Variants in BNC2 observed in about 807,000 individuals in gnomAD.
BNC2 encodes basonuclin zinc finger protein 2, also known as zinc finger protein basonuclin-2.
BNC2 carries 20 observed loss-of-function variants against 76.3 expected under a neutral mutation model. The ratio of observed to expected loss-of-function variants is 0.26; its 90% CI spans 0.18 to 0.38. The LOEUF (loss-of-function observed/expected upper bound fraction) is 0.38, where lower values mean the gene tolerates loss of function less well. Among genes scored for constraint, BNC2 ranks in the 10% least tolerant of loss-of-function variants. The pLI is 1.00. For synonymous variants in BNC2, 582 were observed against 514.8 expected (o/e 1.13, Z -1.77); for missense variants, 1,382 against 1,399.8 (o/e 0.99, Z 0.20).
intron 5 of BNC2, among the ~76,000 whole-genome samples, chr9:16,442,382 T>A (rs1821145715): frequency 6.6e-6 from 1 of 152,234 alleles, no homozygotes; most frequent in African/African-American, 2.4e-5. Context: ...CTTGTAGAAA[T>A]CTGGCACCCT....
intron 5 of BNC2, among the ~76,000 whole-genome samples, chr9:16,512,199 G>T (rs1040218013): frequency 6.6e-6 from 1 of 152,102 alleles, no homozygotes; most frequent in Non-Finnish European, 1.5e-5. Flanking sequence ...CCTTAAAAGG[G>T]TGTTTGATCA....
At chr9:16,548,374 G>A (rs1049165559) in intron 5 of BNC2, among the ~76,000 whole-genome samples, 6 of 151,768 alleles carry the variant, frequency 4.0e-5, no homozygotes, top group African/African-American at 1.5e-4. Context: ...ATACAGACCT[G>A]AACTAAGAAT....
chr9:16,482,131 CAAT>C (rs1822070154), intron 5 of BNC2, among the ~76,000 whole-genome samples: 2 of 152,066 alleles, frequency 1.3e-5, no homozygotes, highest in Non-Finnish European at 2.9e-5. Context: ...CAATATATGT[CAAT>C]AATAACTAAT....
At chr9:16,610,551 G>A (rs1820516244) in intron 3 of BNC2, among the ~76,000 whole-genome samples, 1 of 152,224 alleles carries the variant, frequency 6.6e-6, no homozygotes. Context: ...CTGATCAGTT[G>A]GCCCAACAGA....
intron 1 of BNC2, among the ~76,000 whole-genome samples, chr9:16,823,982 T>C (rs1479472825): frequency 6.6e-6 from 1 of 152,234 alleles, no homozygotes; most frequent in Non-Finnish European, 1.5e-5. Flanking sequence ...TAGAATGGAT[T>C]AATGAATACA....
chr9:16,474,867 T>G (rs1041500755), intron 5 of BNC2, among the ~76,000 whole-genome samples: 1 of 152,044 alleles, frequency 6.6e-6, no homozygotes, highest in African/African-American at 2.4e-5. Flanking sequence ...CACCACATGG[T>G]GGGCTCATCT....
rs116566620 is a variant in BNC2, at chr9:16,809,049, A to G, written c.3+61597T>C. ...TCACAGACTTGGAACCAGGCACAACACTGGTTCCCAGGCAACTTCTTAGAT... is the reference window on the plus strand; with the variant it reads ...TCACAGACTTGGAACCAGGCACAACGCTGGTTCCCAGGCAACTTCTTAGAT... On this transcript the variant is annotated intron_variant, in intron 1 of 6. Transcript: ENST00000380672. Among the ~76,000 whole-genome samples, 200 of 152,222 alleles carry G rather than the reference A, an allele frequency of 1.3e-3. 2 individuals are homozygous for G. The highest frequency in any genetic ancestry group is 4.6e-3 in the African/African-American group (190 of 41,552).
At chr9:16,504,861 A>G (rs78115726) in intron 5 of BNC2, among the ~76,000 whole-genome samples, 1 of 152,158 alleles carries the variant, frequency 6.6e-6, no homozygotes, top group Admixed American at 6.5e-5. Flanking sequence ...TCATCTCTTA[A>G]AAAACAAAAA....
chr9:16,485,101 GACAC>G (rs901270450), intron 5 of BNC2, among the ~76,000 whole-genome samples: 2 of 107,876 alleles, frequency 1.9e-5, no homozygotes, highest in African/African-American at 1.3e-4. Context: ...CACACACAGA[GACAC>G]ACACAGACAC....
chr9:16,463,124 G>A (rs1386236915), intron 5 of BNC2, among the ~76,000 whole-genome samples: 1 of 152,038 alleles, frequency 6.6e-6, no homozygotes, highest in Non-Finnish European at 1.5e-5. Context: ...AGAGTGTACT[G>A]ACTGTGTGTG....
intron 1 of BNC2, among the ~76,000 whole-genome samples, chr9:16,822,959 C>T (rs1481857128): frequency 1.3e-5 from 2 of 152,116 alleles, no homozygotes; most frequent in Non-Finnish European, 2.9e-5. Context: ...CTTCAAATTA[C>T]TGTAATTGGT....
chr9:16,786,007 G>C (rs887925074), intron 1 of BNC2, among the ~76,000 whole-genome samples: 6 of 151,934 alleles, frequency 3.9e-5, no homozygotes, highest in Non-Finnish European at 8.8e-5. Flanking sequence ...GGTAGTCTCG[G>C]GAACCACAGA....
chr9:16,554,117 C>T (rs1818748517), intron 4 of BNC2, among the ~76,000 whole-genome samples: 2 of 152,210 alleles, frequency 1.3e-5, no homozygotes, highest in African/African-American at 4.8e-5. Context: ...TTCTAAACTA[C>T]AGTGTGGCCT....
At chr9:16,830,003 G>A (rs1818544857) in intron 1 of BNC2, among the ~76,000 whole-genome samples, 4 of 152,046 alleles carry the variant, frequency 2.6e-5, no homozygotes, top group Admixed American at 2.6e-4. Flanking sequence ...AAGTTTTAGA[G>A]ACTATGTATA....
chr9:16,562,966 T>C (rs1246894858), intron 4 of BNC2, among the ~76,000 whole-genome samples: 1 of 152,218 alleles, frequency 6.6e-6, no homozygotes, highest in Non-Finnish European at 1.5e-5. Flanking sequence ...GTTTTAGTAA[T>C]GTATCATAAA....
At chr9:16,795,761 T>TA (rs1422945982) in intron 1 of BNC2, among the ~76,000 whole-genome samples, 1 of 152,122 alleles carries the variant, frequency 6.6e-6, no homozygotes, top group East Asian at 1.9e-4. Flanking sequence ...ACTTTTACAG[T>TA]AAAGAGATGA....
At chr9:16,489,595 G>T (rs957289716) in intron 5 of BNC2, among the ~76,000 whole-genome samples, 1 of 152,142 alleles carries the variant, frequency 6.6e-6, no homozygotes, top group Non-Finnish European at 1.5e-5. Flanking sequence ...CACATGTGGT[G>T]ATATGTGATT....
rs1037989495 is a variant in BNC2 at position 16,722,374 on chromosome 9, A to C, written c.330+5423T>G. On this transcript the variant is annotated intron_variant, in intron 3 of 6. Transcript: ENST00000380672. ...GAGGATGTGCTGCTGTGGCAGCCCAAATCTGTCCTGTCACTGCATTAATCA... is the reference window on the plus strand; with the variant it reads ...GAGGATGTGCTGCTGTGGCAGCCCACATCTGTCCTGTCACTGCATTAATCA... Among the ~76,000 whole-genome samples, 15 of 152,342 alleles carry C rather than the reference A, an allele frequency of 9.8e-5. No individual in the cohort carries two copies. The East Asian group carries it at 2.1e-3, about 22-fold the overall frequency.
intron 5 of BNC2, among the ~76,000 whole-genome samples, chr9:16,456,648 T>G (rs1233087514): frequency 6.6e-6 from 1 of 152,064 alleles, no homozygotes; most frequent in Non-Finnish European, 1.5e-5. Context: ...CCCCAAATGC[T>G]CTGGCAGATA....
Sources: allele counts gnomAD v4.1 joint callset (sites outside exome capture counted in the v4.1 genomes callset), GRCh38; gene constraint gnomAD v4.1.1; transcripts MANE v1.5; gene names NCBI Gene and HGNC (gene_info 2026-07-23, HGNC 2026-07-21).